Variants in CSMD1 observed in about 807,000 individuals in gnomAD.
The protein encoded by CSMD1 is CUB and sushi domain-containing protein 1.
Under a neutral mutation model 417.5 loss-of-function variants are expected in CSMD1, and 213 were observed. The ratio of observed to expected loss-of-function variants is 0.51; its 90% confidence interval spans 0.46 to 0.57. The LOEUF is 0.57. CSMD1 is among the 20% of genes least tolerant of loss of function. The pLI, the probability that CSMD1 is intolerant of heterozygous loss-of-function variation, is 0.00. For synonymous variants in CSMD1, 2,862 were observed against 1,736.8 expected, an observed-to-expected ratio of 1.65 and a Z score of -16.11; for missense variants, 6,923 against 4,529.7, an observed-to-expected ratio of 1.53 and a Z score of -15.17.
At chr8:3,846,306 C>G (rs549076379) in intron 5 of CSMD1, among the ~76,000 whole-genome samples, 1 of 152,266 alleles carries the variant, frequency 6.6e-6, no homozygotes, top group African/African-American at 2.4e-5. Flanking sequence ...AATATTCCAG[C>G]TCCATGAGAA....
At chr8:4,370,413 G>A (rs1802329252) in intron 3 of CSMD1, among the ~76,000 whole-genome samples, 1 of 151,970 alleles carries the variant, frequency 6.6e-6, no homozygotes, top group Non-Finnish European at 1.5e-5. Context: ...TGATGATATT[G>A]TCTTGGAAAG....
intron 7 of CSMD1, among the ~76,000 whole-genome samples, chr8:3,690,034 G>C (rs149020476): frequency 6.6e-6 from 1 of 152,298 alleles, no homozygotes; most frequent in African/African-American, 2.4e-5. Flanking sequence ...TCTTGCTTTA[G>C]CAAACATAAA....
intron 6 of CSMD1, among the ~76,000 whole-genome samples, chr8:3,711,959 G>A (rs73185361): frequency 0.33 from 50,171 of 152,100 alleles, 8,442 homozygotes; most frequent in East Asian, 0.49. Flanking sequence ...TCTCAGGGAC[G>A]ATCAAGGTAT....
At chr8:3,833,374 C>T (rs560683109) in intron 5 of CSMD1, among the ~76,000 whole-genome samples, 4 of 152,202 alleles carry the variant, frequency 2.6e-5, no homozygotes, top group South Asian at 2.1e-4. Context: ...TTCCTCACCT[C>T]CTAAAATAAT....
chr8:4,424,081 C>G (rs1797408208), intron 2 of CSMD1, among the ~76,000 whole-genome samples: 1 of 151,754 alleles, frequency 6.6e-6, no homozygotes, highest in African/African-American at 2.4e-5. Flanking sequence ...AAATGTAAAG[C>G]AATTAGACTC....
intron 1 of CSMD1, among the ~76,000 whole-genome samples, chr8:4,929,490 C>T (rs922163094): frequency 2.6e-5 from 4 of 152,096 alleles, no homozygotes; most frequent in African/African-American, 9.7e-5. Context: ...AAATGAGATG[C>T]TGGATATTTC....
At chr8:3,493,860 T>C (rs11136630) in intron 10 of CSMD1, 134 bp from the exon 11 acceptor site, 13,827 of 597,266 alleles carry the variant, frequency 0.023, 379 homozygotes, top group East Asian at 0.096. Context: ...CAGAGCTGCT[T>C]TAAGTAGTTA....
intron 3 of CSMD1, among the ~76,000 whole-genome samples, chr8:4,179,314 C>A (rs1027854041): frequency 8.9e-4 from 136 of 152,158 alleles, no homozygotes; most frequent in African/African-American, 2.5e-3. Flanking sequence ...CCTGACAAAA[C>A]CAAGCAATGG....
intron 26 of CSMD1, among the ~76,000 whole-genome samples, chr8:3,235,545 G>A (rs749487318): frequency 4.6e-5 from 7 of 152,104 alleles, no homozygotes; most frequent in African/African-American, 9.7e-5. Flanking sequence ...AGGATTAAAG[G>A]CTCAGAGCTG....
chr8:3,343,509 A>G (rs1585028187), intron 22 of CSMD1, 59 bp from the exon 23 acceptor site: 20 of 1,458,642 alleles, frequency 1.4e-5, no homozygotes, highest in Non-Finnish European at 1.9e-5. Context: ...TATGTTAGCA[A>G]TGGTAATAAA....
At chr8:3,852,796 C>T (rs927117940) in intron 5 of CSMD1, among the ~76,000 whole-genome samples, 11 of 152,100 alleles carry the variant, frequency 7.2e-5, no homozygotes, top group Non-Finnish European at 1.6e-4. Flanking sequence ...TCTGTCTCCT[C>T]CAAGCGCACG....
At chr8:3,544,983 T>G (rs1798599932) in intron 10 of CSMD1, among the ~76,000 whole-genome samples, 2 of 152,224 alleles carry the variant, frequency 1.3e-5, no homozygotes, top group African/African-American at 4.8e-5. Flanking sequence ...TCCTTCATTT[T>G]TGTTCCTTTT....
chr8:3,733,177 AC>A (rs1796352137), intron 6 of CSMD1, among the ~76,000 whole-genome samples: 1 of 72,588 alleles, frequency 1.4e-5, no homozygotes. Flanking sequence ...ATACACACAC[AC>A]ACACACACAC....
chr8:4,122,037 T>C (rs1222127299), intron 3 of CSMD1, among the ~76,000 whole-genome samples: 1 of 152,058 alleles, frequency 6.6e-6, no homozygotes, highest in African/African-American at 2.4e-5. Flanking sequence ...AACTTTATTG[T>C]ATAACTACAT....
chr8:4,279,204 A>G (rs915129281), intron 3 of CSMD1, among the ~76,000 whole-genome samples: 1 of 151,534 alleles, frequency 6.6e-6, no homozygotes, highest in African/African-American at 2.4e-5. Context: ...CAGTATACAC[A>G]CTAACACACA....
chr8:3,022,231 C>T (rs1809488439), intron 51 of CSMD1, among the ~76,000 whole-genome samples: 1 of 150,360 alleles, frequency 6.7e-6, no homozygotes, highest in South Asian at 2.1e-4. Context: ...CGGAATACAC[C>T]CGCAATCCCA....
chr8:3,020,355 C>G (rs1385251149), intron 51 of CSMD1, among the ~76,000 whole-genome samples: 1 of 152,148 alleles, frequency 6.6e-6, no homozygotes, highest in Admixed American at 6.5e-5. Flanking sequence ...GCATGTACCA[C>G]TAAAACCAGC....
At chr8:3,457,347 G>A (rs920453799) in intron 12 of CSMD1, among the ~76,000 whole-genome samples, 3 of 152,132 alleles carry the variant, frequency 2.0e-5, no homozygotes, top group African/African-American at 4.8e-5. Flanking sequence ...AAAGTCTGAA[G>A]CTGCCTAACT....
At chr8:4,320,398 G>A (rs1799202717) in intron 3 of CSMD1, among the ~76,000 whole-genome samples, 2 of 152,150 alleles carry the variant, frequency 1.3e-5, no homozygotes, top group South Asian at 4.1e-4. Context: ...GAGGGTACAT[G>A]TGTAGAATGT....
Sources: gnomAD v4.1 joint callset for allele counts (sites outside exome capture counted in the v4.1 genomes callset) on GRCh38, gnomAD v4.1.1 for gene constraint, MANE v1.5 for transcripts, NCBI Gene and HGNC (gene_info 2026-07-23, HGNC 2026-07-21) for gene names.